The following SCAI variants were observed in gnomAD, a reference collection of about 807,000 sequenced individuals.
SCAI encodes suppressor of cancer cell invasion, also known as protein SCAI.
Under a neutral mutation model 92.2 loss-of-function variants are expected in SCAI, and 24 were observed. That is an observed-to-expected ratio of 0.26 (90% CI 0.19 to 0.37). SCAI has a LOEUF of 0.37. Among genes scored for constraint, SCAI ranks in the 10% least tolerant of loss-of-function variants. The probability of loss-of-function intolerance (pLI) is 1.00; values close to 1 mark genes in which losing one functional copy is unlikely to be tolerated. For synonymous variants in SCAI, 261 were observed against 258.6 expected, an observed-to-expected ratio of 1.01 and a Z score of -0.09; for missense variants, 450 against 736.2, an observed-to-expected ratio of 0.61 and a Z score of 4.50.
At chr9:124,999,707 T>C (rs1392123123) in intron 13 of SCAI, among the ~76,000 whole-genome samples, 184 bp downstream of exon 13, 3 of 152,164 alleles carry the variant, frequency 2.0e-5, no homozygotes, top group Non-Finnish European at 4.4e-5. Context: ...AGTTCTAATT[T>C]CCTAGGATAG....
At chr9:124,982,473 A>AGG (rs1233710480) in intron 14 of SCAI, among the ~76,000 whole-genome samples, 1 of 152,074 alleles carries the variant, frequency 6.6e-6, no homozygotes, top group African/African-American at 2.4e-5. Flanking sequence ...GGAGTTCGAC[A>AGG]CCAGCCTGGC....
chr9:125,093,979 T>C (rs1233758973), intron 2 of SCAI, among the ~76,000 whole-genome samples: 3 of 152,122 alleles, frequency 2.0e-5, no homozygotes, highest in African/African-American at 7.2e-5. Context: ...TCCAAACTTA[T>C]CAGATACAAA....
At chr9:125,066,550 G>T (rs1205722936) in intron 2 of SCAI, among the ~76,000 whole-genome samples, 1 of 151,764 alleles carries the variant, frequency 6.6e-6, no homozygotes, top group African/African-American at 2.4e-5. Flanking sequence ...CTGACTCCCG[G>T]GTTCACACCA....
intron 17 of SCAI, chr9:124,968,800 G>T: frequency 1.4e-6 from 1 of 738,462 alleles, no homozygotes; most frequent in Non-Finnish European, 2.4e-6. Context: ...ATTCCAGTGC[G>T]CAGGCCCCAG....
intron 2 of SCAI, among the ~76,000 whole-genome samples, chr9:125,066,616 C>T (rs1016879606): frequency 5.9e-5 from 9 of 151,942 alleles, no homozygotes; most frequent in Admixed American, 1.3e-4. Context: ...CCACCGCGCC[C>T]GGCTAATTTT....
chr9:125,066,630 T>C (rs903436494), intron 2 of SCAI, among the ~76,000 whole-genome samples: 11 of 152,080 alleles, frequency 7.2e-5, no homozygotes, highest in Admixed American at 1.3e-4. Flanking sequence ...TAATTTTTTG[T>C]ATTTTTAGTA....
chr9:124,956,136 A>G (rs765519271), intron 17 of SCAI, among the ~76,000 whole-genome samples: 3 of 152,240 alleles, frequency 2.0e-5, no homozygotes, highest in African/African-American at 7.2e-5. Context: ...ATAATGAAAT[A>G]TTAGCAAATT....
In SCAI at chr9:124,952,169, C is replaced by G. The variant is rs1463091026; in HGVS notation, c.*638G>C. ...ATATGCAAATAAATCTCATAATACT[C>G]ATACATTCCAAGTAATATTACCACC... On this transcript the variant is annotated 3_prime_UTR_variant, in exon 18 of 18. Transcript: ENST00000336505. 2 of 152,154 alleles carry G rather than the reference C, an allele frequency of 1.3e-5. No homozygotes were observed. The highest frequency in any genetic ancestry group is 2.9e-5 in the Non-Finnish European group (2 of 68,016). The allele number at this position is 152,154 out of a possible 1,614,324, so 9.4% of individuals were successfully genotyped here. A position where few individuals can be genotyped will look rare whatever the true frequency, so the allele number is the denominator to read the frequency against.
intron 17 of SCAI, 56 bp downstream of exon 17, chr9:124,971,314 T>C (rs1199981671): frequency 1.1e-6 from 1 of 930,930 alleles, no homozygotes; most frequent in Non-Finnish European, 1.7e-6. Context: ...ATATAATACA[T>C]GGTTCTTAAA....
chr9:125,112,747 T>C (rs531785297), intron 2 of SCAI, among the ~76,000 whole-genome samples: 2 of 152,332 alleles, frequency 1.3e-5, no homozygotes, highest in Admixed American at 6.5e-5. Flanking sequence ...TGGAGAAATA[T>C]CTGATTCTAT....
At chr9:124,985,699 CTCTA>C (rs1418604405) in intron 14 of SCAI, among the ~76,000 whole-genome samples, 1 of 151,882 alleles carries the variant, frequency 6.6e-6, no homozygotes, top group Non-Finnish European at 1.5e-5. Flanking sequence ...GAAACCCCGT[CTCTA>C]CTAAAAATAC....
chr9:124,976,943 A>G (rs1831770137), intron 14 of SCAI, among the ~76,000 whole-genome samples: 1 of 151,300 alleles, frequency 6.6e-6, no homozygotes, highest in Non-Finnish European at 1.5e-5. Flanking sequence ...ATCTCGGTTC[A>G]CTGAAACCTC....
intron 2 of SCAI, among the ~76,000 whole-genome samples, chr9:125,095,085 A>G (rs1392410539): frequency 1.3e-5 from 2 of 152,186 alleles, no homozygotes; most frequent in African/African-American, 2.4e-5. Flanking sequence ...GCTCCTGTAG[A>G]CATTACCTCT....
chr9:124,947,121 CAA>C lies in SCAI; in HGVS notation c.*5684_*5685del, dbSNP rs1159129295. 2 of 152,096 alleles carry C rather than the reference CAA, an allele frequency of 1.3e-5. No individual in the cohort carries two copies. Among genetic ancestry groups the C allele is most frequent in the Non-Finnish European group, 2.9e-5 (2 of 68,014 alleles). The allele number at this position is 152,096 out of a possible 1,614,324, so 9.4% of individuals were successfully genotyped here. A position where few individuals can be genotyped will look rare whatever the true frequency, so the allele number is the denominator to read the frequency against. Reference sequence around the variant, plus strand: ...AATTCAGTATGAGGCATAAAAATGACAACTGGGAATATATTTCCCCTATTTAA... The same window carrying C: ...AATTCAGTATGAGGCATAAAAATGACCTGGGAATATATTTCCCCTATTTAA... On this transcript the variant is annotated 3_prime_UTR_variant, in exon 18 of 18. Transcript: ENST00000336505.
At chr9:125,124,917 CAA>C (rs1002297462) in intron 2 of SCAI, among the ~76,000 whole-genome samples, 3 of 152,200 alleles carry the variant, frequency 2.0e-5, no homozygotes, top group African/African-American at 7.2e-5. Flanking sequence ...ACAAGGCAAA[CAA>C]GAGCAGAGGA....
intron 17 of SCAI, chr9:124,968,582 G>A: frequency 4.3e-6 from 4 of 925,344 alleles, no homozygotes; most frequent in Non-Finnish European, 7.2e-6. Context: ...TGTATGGCTT[G>A]TCTGCAAGGT....
chr9:125,140,008 C>T (rs1417077371), intron 2 of SCAI, among the ~76,000 whole-genome samples: 1 of 152,142 alleles, frequency 6.6e-6, no homozygotes, highest in African/African-American at 2.4e-5. Context: ...TGGCGCATCA[C>T]TTGAGCACAG....
chr9:125,069,617 C>CTTTTTT (rs919064250), intron 2 of SCAI, among the ~76,000 whole-genome samples: 2 of 91,032 alleles, frequency 2.2e-5, no homozygotes, highest in Non-Finnish European at 4.1e-5. Context: ...TGCACCCGGT[C>CTTTTTT]TTTTTTTTTT....
At chr9:124,962,175 G>GGT (rs1564358569) in intron 17 of SCAI, among the ~76,000 whole-genome samples, 7 of 144,158 alleles carry the variant, frequency 4.9e-5, no homozygotes, top group African/African-American at 1.0e-4. Flanking sequence ...TTTTTTGCGG[G>GGT]GGGGGATGGA....
Sources: allele counts gnomAD v4.1 joint callset (sites outside exome capture counted in the v4.1 genomes callset), GRCh38; gene constraint gnomAD v4.1.1; transcripts MANE v1.5; gene names NCBI Gene and HGNC (gene_info 2026-07-23, HGNC 2026-07-21).